PTP4A2: variants seen among roughly 807,000 people sequenced by gnomAD.
The protein encoded by PTP4A2 is protein tyrosine phosphatase 4A2.
PTP4A2 carries 2 observed loss-of-function variants against 22.9 expected under a neutral mutation model. That is an observed-to-expected ratio of 0.09 (90% CI 0.04 to 0.27). The LOEUF (loss-of-function observed/expected upper bound fraction) is 0.27, where lower values mean the gene tolerates loss of function less well. PTP4A2 is among the 10% of genes least tolerant of loss of function. The pLI, the probability that PTP4A2 is intolerant of heterozygous loss-of-function variation, is 1.00. For missense variants in PTP4A2, 103 were observed against 205.1 expected, an observed-to-expected ratio of 0.50 and a Z score of 3.04; for synonymous variants, 68 against 69.1, an observed-to-expected ratio of 0.98 and a Z score of 0.08.
intron 1 of PTP4A2, among the ~76,000 whole-genome samples, chr1:31,926,161 T>C (rs1652453382): frequency 6.9e-6 from 1 of 145,412 alleles, no homozygotes. Flanking sequence ...TATATATATA[T>C]ATATATATTT....
rs1015762138 is a variant in PTP4A2 at position 31,907,010 on chromosome 1, A to C, written c.*1842T>G. The C allele has an allele frequency of 2.2e-4, 33 of 152,304 alleles. No homozygotes were observed. The highest frequency in any genetic ancestry group is 7.7e-4 in the African/African-American group (32 of 41,566). The allele number at this position is 152,304 out of a possible 1,614,324, so 9.4% of individuals were successfully genotyped here. ...CCTAGAAACAATTTCGAAAAGCATTATTTTGTTTTGTTTTCTGGGATGGGA... is the reference window on the plus strand; with the variant it reads ...CCTAGAAACAATTTCGAAAAGCATTCTTTTGTTTTGTTTTCTGGGATGGGA... On this transcript the variant is annotated 3_prime_UTR_variant, in exon 6 of 6. Transcript: ENST00000647444.
chr1:31,914,911 A>G (rs1239821560), intron 3 of PTP4A2, among the ~76,000 whole-genome samples: 1 of 152,214 alleles, frequency 6.6e-6, no homozygotes, highest in Non-Finnish European at 1.5e-5. Context: ...AACCTAACAA[A>G]AAGTATCAGA....
At chr1:31,916,020 G>GT (rs967619813) in intron 2 of PTP4A2, 33 bp from the exon 3 acceptor site, 2 of 1,438,520 alleles carry the variant, frequency 1.4e-6, no homozygotes, top group Non-Finnish European at 1.9e-6. Context: ...AATGGAACTT[G>GT]TTTTTGAAAC....
chr1:31,938,167 T>C lies in PTP4A2; in HGVS notation c.-774A>G. The C allele has an allele frequency of 6.8e-6, 1 of 146,130 alleles. No individual in the cohort carries two copies. The highest frequency in any genetic ancestry group is 1.9e-4 in the South Asian group (1 of 5,274). 9.1% of individuals were successfully genotyped at this position (146,130 alleles called of 1,614,324 possible). A position where few individuals can be genotyped will look rare whatever the true frequency, so the allele number is the denominator to read the frequency against. Reference sequence around the variant, plus strand: ...GCCCGGCGGCGGCGGCGGCGGCGCGTCTCCACGAGTCCGTCTTGCTGCTGC... The same window carrying C: ...GCCCGGCGGCGGCGGCGGCGGCGCGCCTCCACGAGTCCGTCTTGCTGCTGC... On this transcript the variant is annotated 5_prime_UTR_variant, in exon 1 of 6. Coordinates refer to ENST00000647444, the MANE Select transcript of PTP4A2 (RefSeq NM_080391.4). The surrounding 1 kb of genome is among the most constrained non-coding windows in gnomAD (Gnocchi z 4.4).
chr1:31,931,558 T>G (rs982459501), intron 1 of PTP4A2, among the ~76,000 whole-genome samples: 1 of 152,126 alleles, frequency 6.6e-6, no homozygotes, highest in Non-Finnish European at 1.5e-5. Context: ...TAACAAAAAT[T>G]TTCTTTCAAC....
chr1:31,925,104 G>A (rs1652385313), intron 1 of PTP4A2, among the ~76,000 whole-genome samples: 1 of 152,184 alleles, frequency 6.6e-6, no homozygotes, highest in South Asian at 2.1e-4. Flanking sequence ...GATAACAGTG[G>A]TTTCCTAGGG....
chr1:31,925,714 C>T (rs928382551), intron 1 of PTP4A2, among the ~76,000 whole-genome samples: 2 of 151,090 alleles, frequency 1.3e-5, no homozygotes, highest in African/African-American at 4.9e-5. Context: ...GACCCAAGAT[C>T]GCACCACTGC....
intron 2 of PTP4A2, 24 bp from the exon 3 acceptor site, chr1:31,916,011 A>C: frequency 2.0e-6 from 3 of 1,469,358 alleles, no homozygotes; most frequent in Non-Finnish European, 2.8e-6. Context: ...AAAAATTATA[A>C]TGGAACTTGT....
At chr1:31,912,613 A>C (rs1224473753) in intron 3 of PTP4A2, among the ~76,000 whole-genome samples, 2 of 152,192 alleles carry the variant, frequency 1.3e-5, no homozygotes, top group African/African-American at 4.8e-5. Context: ...AAGAGGTCCT[A>C]AGAAACCAAC....
chr1:31,910,258 A>G (rs1400779453), intron 4 of PTP4A2, 146 bp from the exon 5 acceptor site: 2 of 581,376 alleles, frequency 3.4e-6, no homozygotes, highest in Admixed American at 6.0e-5. Context: ...AATACAGTAA[A>G]TATATCTCAT....
intron 3 of PTP4A2, among the ~76,000 whole-genome samples, chr1:31,912,726 A>G (rs1651603796): frequency 6.6e-6 from 1 of 152,162 alleles, no homozygotes; most frequent in Admixed American, 6.5e-5. Flanking sequence ...ACTGTTAGGA[A>G]TTTTTTTAAA....
At chr1:31,925,501 T>C (rs1652406919) in intron 1 of PTP4A2, among the ~76,000 whole-genome samples, 1 of 152,158 alleles carries the variant, frequency 6.6e-6, no homozygotes, top group South Asian at 2.1e-4. Flanking sequence ...ACGCCTATAA[T>C]CCCAGCACTT....
intron 3 of PTP4A2, chr1:31,913,731 C>T (rs1651669444): frequency 2.2e-6 from 1 of 446,580 alleles, no homozygotes; most frequent in South Asian, 1.6e-5. Context: ...CTACCATTAT[C>T]TTCCTCAAAC....
intron 1 of PTP4A2, among the ~76,000 whole-genome samples, chr1:31,923,419 C>T (rs1652293483): frequency 6.7e-6 from 1 of 148,572 alleles, no homozygotes; most frequent in South Asian, 2.1e-4. Context: ...ACTGCAAGCT[C>T]CGCCTCCCGG....
chr1:31,910,057 C>T lies in PTP4A2; in HGVS notation c.376G>A (p.Ala126Thr). 1.2e-6 allele frequency: 2 copies of T among 1,613,294 alleles called. No homozygotes were observed. The highest frequency in any genetic ancestry group is 1.7e-6 in the Non-Finnish European group (2 of 1,179,690). ...LIECGMKYED[A>T]VQFIRQKRRG... Reference sequence around the variant, plus strand: ...ACTCACTGTCTTATAAACTGAACTGCATCTTCGTACTTCATTCCACATTCA... The same window carrying T: ...ACTCACTGTCTTATAAACTGAACTGTATCTTCGTACTTCATTCCACATTCA... The change falls in exon 5 of 6, where the codon GCA (alanine) becomes ACA (threonine). Residue 126 changes from alanine (A) to threonine (T), a missense_variant. Physicochemically the swap from Ala to Thr is moderately conservative, Grantham distance 58 (BLOSUM62 0). Coordinates refer to ENST00000647444, the MANE Select transcript of PTP4A2 (RefSeq NM_080391.4).
intron 3 of PTP4A2, chr1:31,913,735 C>T (rs1651669782): frequency 4.4e-6 from 2 of 451,136 alleles, no homozygotes; most frequent in Non-Finnish European, 4.5e-6. Context: ...CATTATCTTC[C>T]TCAAACTAGT....
chr1:31,926,061 G>A (rs1385698134), intron 1 of PTP4A2, among the ~76,000 whole-genome samples: 6 of 147,926 alleles, frequency 4.1e-5, no homozygotes, highest in South Asian at 2.1e-4. Context: ...CCCAGGAGGC[G>A]GAGGTTGCAG....
intron 1 of PTP4A2, among the ~76,000 whole-genome samples, chr1:31,924,894 A>G (rs1652374839): frequency 6.6e-6 from 1 of 152,124 alleles, no homozygotes; most frequent in African/African-American, 2.4e-5. Flanking sequence ...GGAGGGAGAT[A>G]AGGGATAAAA....
intron 1 of PTP4A2, chr1:31,933,566 C>T (rs1652814505): frequency 1.3e-5 from 2 of 152,144 alleles, no homozygotes; most frequent in Non-Finnish European, 2.9e-5. Flanking sequence ...GAAACCCTGT[C>T]TCTACTAAAA....
Sources: allele counts gnomAD v4.1 joint callset (sites outside exome capture counted in the v4.1 genomes callset), GRCh38; gene constraint gnomAD v4.1.1; non-coding constraint Gnocchi (gnomAD v3.1); transcripts MANE v1.5; gene names NCBI Gene and HGNC (gene_info 2026-07-23, HGNC 2026-07-21).